Variants in DYSF observed in about 807,000 individuals in gnomAD.
DYSF encodes dysferlin, also known as dystrophy-associated fer-1-like 1.
DYSF carries 212 observed loss-of-function variants against 274.9 expected under a neutral mutation model. The observed-to-expected ratio is 0.77, with a 90% confidence interval of 0.69 to 0.86. The LOEUF is 0.86. Ranked by LOEUF, DYSF falls within the 40% of genes least tolerant of loss-of-function variation. DYSF has a pLI of 0.00. For synonymous variants in DYSF, 1,091 were observed against 1,078.7 expected (o/e 1.01, Z -0.22); for missense variants, 2,666 against 2,783.2 (o/e 0.96, Z 0.95).
At chr2:71,503,435 A>G in intron 4 of DYSF, 116 bp downstream of exon 4, 1 of 1,071,274 alleles carries the variant, frequency 9.3e-7, no homozygotes, top group Non-Finnish European at 1.4e-6. Context: ...CCCTTGAAGC[A>G]GGCCTGGCCC....
chr2:71,667,205 C>A (rs867725782), intron 47 of DYSF, among the ~76,000 whole-genome samples, 171 bp from the exon 48 acceptor site: 15 of 152,166 alleles, frequency 9.9e-5, no homozygotes, highest in Admixed American at 2.0e-4. Flanking sequence ...TTTCCCCTAT[C>A]AAAAGTGAGA....
At chr2:71,658,469 G>A (rs2094816291) in intron 43 of DYSF, among the ~76,000 whole-genome samples, 1 of 152,074 alleles carries the variant, frequency 6.6e-6, no homozygotes, top group Admixed American at 6.5e-5. Context: ...CCCACTCCTG[G>A]TACCAATTTA....
intron 6 of DYSF, 88 bp from the exon 7 acceptor site, chr2:71,513,628 A>G: frequency 1.4e-6 from 2 of 1,390,612 alleles, no homozygotes. Flanking sequence ...TGCCTTTTGG[A>G]TCTTCTGCCC....
chr2:71,679,290 G>A, intron 53 of DYSF, 55 bp downstream of exon 53: 1 of 1,550,536 alleles, frequency 6.4e-7, no homozygotes, highest in Non-Finnish European at 8.8e-7. Flanking sequence ...TTCTTCCATA[G>A]AAATTGTCAG....
chr2:71,668,688 A>G, intron 48 of DYSF, 66 bp from the exon 49 acceptor site: 4 of 1,490,222 alleles, frequency 2.7e-6, no homozygotes, highest in East Asian at 4.7e-5. Flanking sequence ...TCTGGCCCAG[A>G]GCAGGTGCTT....
At chr2:71,464,906 A>AT (rs35915607), upstream of DYSF, among the ~76,000 whole-genome samples, 1 of 152,002 alleles carries the variant, frequency 6.6e-6, no homozygotes, top group South Asian at 2.1e-4. Flanking sequence ...ATATGGTGGG[A>AT]TTTTGGACAT....
At chr2:71,642,033 C>T (rs888726825) in intron 41 of DYSF, among the ~76,000 whole-genome samples, 7 of 152,176 alleles carry the variant, frequency 4.6e-5, no homozygotes, top group Admixed American at 3.9e-4. Context: ...CTATCTGTCT[C>T]TAATTCCTTT....
rs567515162 is a variant in DYSF at position 71,554,074 on chromosome 2, G to A, written c.2109+143G>A. 8.7e-4 allele frequency: 1,120 copies of A among 1,291,224 alleles called. 5 individuals carry two copies. Among genetic ancestry groups the A allele is most frequent in the Middle Eastern group, 1.4e-3 (6 of 4,384 alleles). 80.0% of individuals were successfully genotyped at this position (1,291,224 alleles called of 1,614,324 possible). A position where few individuals can be genotyped will look rare whatever the true frequency, so the allele number is the denominator to read the frequency against. ...CTGACCTTTGTGGTTGGTGTCCTCTGTGCCTTGGCAATACCAGGCTTGTGG... is the reference window on the plus strand; with the variant it reads ...CTGACCTTTGTGGTTGGTGTCCTCTATGCCTTGGCAATACCAGGCTTGTGG... On this transcript the variant is annotated intron_variant, in intron 21 of 55. Coordinates refer to ENST00000410020, the MANE Select transcript of DYSF (RefSeq NM_001130987.2).
At chr2:71,604,413 C>T (rs2093610846) in intron 36 of DYSF, among the ~76,000 whole-genome samples, 1 of 152,188 alleles carries the variant, frequency 6.6e-6, no homozygotes, top group Non-Finnish European at 1.5e-5. Flanking sequence ...TTGTATCTCC[C>T]ATCTGGCTGC....
intron 9 of DYSF, among the ~76,000 whole-genome samples, chr2:71,516,582 A>G (rs547380258): frequency 1.3e-5 from 2 of 152,296 alleles, no homozygotes; most frequent in East Asian, 1.9e-4. Context: ...GTGGCAATGA[A>G]CATTTAAGGT....
Position 71,630,274 on chromosome 2 carries a change from G to C in DYSF, c.4527+9665G>C, listed in dbSNP as rs554767430. On this transcript the variant is annotated intron_variant, in intron 41 of 55. Coordinates refer to ENST00000410020, the MANE Select transcript of DYSF (RefSeq NM_001130987.2). ...GTGGGAGAAGTAAGAAGGAAACCAG[G>C]ATCAGAGGCAGCTATGTGGGGCTAT... is the stretch of plus-strand genomic sequence containing the variant. 1.8e-3 allele frequency among the ~76,000 whole-genome samples: 275 copies of C among 152,356 alleles called. 1 individual carries two copies. Among genetic ancestry groups the C allele is most frequent in the African/African-American group, 6.1e-3 (254 of 41,584 alleles).
rs937991685 is a variant in DYSF at position 71,673,207 on chromosome 2, A to G, written c.5785-990A>G. ...ACTCACCCAGGGGAGAGTTATAGTG[A>G]GAAAACAGAGAACAAGACTGCGCTG... On this transcript the variant is annotated intron_variant, in intron 51 of 55. Transcript: ENST00000410020. 4.6e-5 allele frequency among the ~76,000 whole-genome samples: 7 copies of G among 152,312 alleles called. No individual in the cohort carries two copies. In the East Asian group the frequency reaches 1.4e-3, roughly 29 times the overall value.
In DYSF at chr2:71,584,750, G is replaced by A. The variant is rs80132524; in HGVS notation, c.3403-4843G>A. 8.5e-3 allele frequency among the ~76,000 whole-genome samples: 1,293 copies of A among 152,312 alleles called. 25 individuals are homozygous for A. Among genetic ancestry groups the A allele is most frequent in the African/African-American group, 0.03 (1,236 of 41,570 alleles). ...GGAGGGTAGATGCAGGGGAGAAGCT[G>A]GGAGAGGCTGGGTAGGGGCTGCTGC... On this transcript the variant is annotated intron_variant, in intron 30 of 55. Transcript: ENST00000410020.
At chr2:71,507,315 A>G (rs940109026) in intron 4 of DYSF, among the ~76,000 whole-genome samples, 18 of 152,306 alleles carry the variant, frequency 1.2e-4, no homozygotes, top group African/African-American at 3.6e-4. Flanking sequence ...TGGCCCCTTC[A>G]AGTTTTTGCT....
chr2:71,668,934 C>T lies in DYSF; in HGVS notation c.5546+92C>T, dbSNP rs2095067899. ...GGGACTAGGCGGTTGCTCTTTTCTG[C>T]CGGGCTTCAGGCTATTTGGGCCATG... On this transcript the variant is annotated intron_variant, in intron 49 of 55. Coordinates refer to ENST00000410020, the MANE Select transcript of DYSF (RefSeq NM_001130987.2). The T allele has an allele frequency of 2.8e-6, 4 of 1,428,906 alleles. No individual in the cohort carries two copies. The South Asian group carries it at 3.6e-5, about 13-fold the overall frequency. The allele number at this position is 1,428,906 out of a possible 1,614,324, so 88.5% of individuals were successfully genotyped here.
In DYSF at chr2:71,574,191, T is replaced by C. The variant is rs1462610030; in HGVS notation, c.3229-7T>C. 2 of 1,613,732 alleles carry C rather than the reference T, an allele frequency of 1.2e-6. No individual in the cohort carries two copies. Among genetic ancestry groups the C allele is most frequent in the South Asian group, 1.1e-5 (1 of 91,088 alleles). On this transcript the variant is annotated splice_polypyrimidine_tract_variant and splice_region_variant and intron_variant, in intron 29 of 55. Transcript: ENST00000410020. The stretch of plus-strand genomic sequence containing the variant: ...CGGCCTCTGAGTCTGCCCCTTCTCT[T>C]GTGCAGCACAGGCAGGCGGAGGCGG...
rs765271624 is a variant in DYSF at position 71,574,294 on chromosome 2, C to T, written c.3325C>T (p.Arg1109Cys). Residue 1109 changes from arginine to cysteine, a missense_variant, in exon 30 of 56, where the codon CGC becomes TGC. Transcript: ENST00000410020. Reference sequence around the variant, plus strand: ...GTACCGCAAGACAGATGCCTTCCGCCGCCGCCGCTGGCGCCGTCGCATGGA... The same window carrying T: ...GTACCGCAAGACAGATGCCTTCCGCTGCCGCCGCTGGCGCCGTCGCATGGA... ...LEYRKTDAFR[R>C]RRWRRRMEPL... The T allele has an allele frequency of 1.1e-5, 17 of 1,613,952 alleles. No individual in the cohort carries two copies. Among genetic ancestry groups the T allele is most frequent in the East Asian group, 2.2e-5 (1 of 44,898 alleles).
intron 42 of DYSF, among the ~76,000 whole-genome samples, chr2:71,648,814 G>A (rs535049091): frequency 2.6e-4 from 39 of 151,822 alleles, no homozygotes; most frequent in Non-Finnish European, 5.0e-4. Context: ...CCATTTTTTC[G>A]TAACAGCATT....
intron 1 of DYSF, among the ~76,000 whole-genome samples, chr2:71,471,673 A>G (rs547640969): frequency 2.0e-5 from 3 of 152,254 alleles, no homozygotes; most frequent in East Asian, 3.9e-4. Context: ...ACATTTGCTG[A>G]AAAATAAACC....
Sources: allele counts gnomAD v4.1 joint callset (sites outside exome capture counted in the v4.1 genomes callset), GRCh38; gene constraint gnomAD v4.1.1; transcripts MANE v1.5; gene names NCBI Gene and HGNC (gene_info 2026-07-23, HGNC 2026-07-21).